The following HERC3 variants were observed in gnomAD, a reference collection of about 807,000 sequenced individuals.
The protein encoded by HERC3 is probable E3 ubiquitin-protein ligase HERC3.
In HERC3, 58 loss-of-function variants were observed where a neutral mutation model predicts 129.9. That is an observed-to-expected ratio of 0.45 (90% CI 0.36 to 0.56). The LOEUF (loss-of-function observed/expected upper bound fraction) is 0.56, where lower values mean the gene tolerates loss of function less well. Ranked by LOEUF, HERC3 falls within the 20% of genes least tolerant of loss-of-function variation. The probability of loss-of-function intolerance (pLI) is 0.00; values close to 1 mark genes in which losing one functional copy is unlikely to be tolerated. For missense variants in HERC3, 835 were observed against 1,244.2 expected (o/e 0.67, Z 4.95); for synonymous variants, 430 against 451.0 (o/e 0.95, Z 0.59).
intron 10 of HERC3, among the ~76,000 whole-genome samples, chr4:88,658,963 A>G (rs919785210): frequency 3.3e-5 from 5 of 152,346 alleles, no homozygotes; most frequent in African/African-American, 1.2e-4. Context: ...ACATGACACC[A>G]AAATTTCCCT....
chr4:88,561,597 T>C, the HERC3 span, among the ~76,000 whole-genome samples: 23 of 152,164 alleles, frequency 1.5e-4, no homozygotes, highest in African/African-American at 5.5e-4. Context: ...TATCAAACAC[T>C]AGATCTTATT....
chr4:88,532,881 C>A, the HERC3 span, among the ~76,000 whole-genome samples: 7 of 152,278 alleles, frequency 4.6e-5, no homozygotes, highest in South Asian at 1.5e-3. Flanking sequence ...TTGTACTAAT[C>A]CCATATGTAT....
chr4:88,690,536 A>T (rs997121711), intron 23 of HERC3: 2 of 985,016 alleles, frequency 2.0e-6, no homozygotes, highest in African/African-American at 3.5e-5. Flanking sequence ...AGGAAGGGGA[A>T]CATTCAGAGT....
the HERC3 span, among the ~76,000 whole-genome samples, chr4:88,531,091 C>G: frequency 6.6e-6 from 1 of 152,290 alleles, no homozygotes; most frequent in East Asian, 1.9e-4. Context: ...CTCCTGGCCT[C>G]AGGCGATCTG....
the HERC3 span, among the ~76,000 whole-genome samples, chr4:88,562,351 TA>T: frequency 1.5e-4 from 23 of 152,356 alleles, no homozygotes; most frequent in Middle Eastern, 0.014. Context: ...ATTATTGGAT[TA>T]TTTTTTTCCT....
intron 3 of HERC3, among the ~76,000 whole-genome samples, chr4:88,642,227 A>G (rs1173916431): frequency 2.0e-5 from 3 of 152,130 alleles, no homozygotes; most frequent in Non-Finnish European, 2.9e-5. Context: ...TAGATAAGAA[A>G]TGACACTGAT....
At chr4:88,684,087 A>G (rs1366588620) in intron 21 of HERC3, among the ~76,000 whole-genome samples, 3 of 152,210 alleles carry the variant, frequency 2.0e-5, no homozygotes, top group Non-Finnish European at 2.9e-5. Context: ...TCAAGCTACC[A>G]TTGACTTTCT....
chr4:88,691,120 A>G (rs1578328633), intron 23 of HERC3, among the ~76,000 whole-genome samples: 1 of 152,342 alleles, frequency 6.6e-6, no homozygotes, highest in Non-Finnish European at 1.5e-5. Context: ...GGTGCTCTGT[A>G]AAGGGATGGA....
chr4:88,685,123 G>A (rs1216640998), intron 21 of HERC3, among the ~76,000 whole-genome samples: 4 of 152,172 alleles, frequency 2.6e-5, no homozygotes, highest in Admixed American at 6.5e-5. Context: ...TGAAGAAATA[G>A]GAATGCTTTT....
chr4:88,557,483 A>G, the HERC3 span, among the ~76,000 whole-genome samples: 5 of 152,272 alleles, frequency 3.3e-5, no homozygotes, highest in African/African-American at 7.2e-5. Context: ...TTTGGTGGAT[A>G]TTTGTTCTTT....
At chr4:88,655,419 T>C in intron 8 of HERC3, 115 bp downstream of exon 8, 2 of 1,186,040 alleles carry the variant, frequency 1.7e-6, no homozygotes, top group Non-Finnish European at 2.4e-6. Context: ...AGATCTTAAC[T>C]GCATGCACGC....
At chr4:88,614,212 A>G (rs1724663226) in intron 3 of HERC3, among the ~76,000 whole-genome samples, 1 of 152,194 alleles carries the variant, frequency 6.6e-6, no homozygotes, top group South Asian at 2.1e-4. Flanking sequence ...TAGCATTTTT[A>G]AGCTGATTAA....
intron 3 of HERC3, among the ~76,000 whole-genome samples, chr4:88,635,673 G>A (rs1317113070): frequency 1.3e-5 from 2 of 152,032 alleles, no homozygotes; most frequent in Non-Finnish European, 2.9e-5. Context: ...TACTCTATGA[G>A]AAGATCAACT....
chr4:88,657,001 T>C (rs1474296455), intron 9 of HERC3: 1 of 152,210 alleles, frequency 6.6e-6, no homozygotes. Flanking sequence ...CCATTTTTTT[T>C]CTTCCCTTAA....
the HERC3 span, among the ~76,000 whole-genome samples, chr4:88,554,370 C>CA: frequency 6.7e-6 from 1 of 149,498 alleles, no homozygotes; most frequent in Non-Finnish European, 1.5e-5. Flanking sequence ...AAAAAGGTAT[C>CA]CTGGCAATAC....
intron 2 of HERC3, among the ~76,000 whole-genome samples, chr4:88,602,991 G>C (rs1480610375): frequency 2.0e-5 from 3 of 152,074 alleles, no homozygotes; most frequent in Non-Finnish European, 2.9e-5. Context: ...TTCATGCTTG[G>C]CAAAATACAG....
intron 1 of HERC3, among the ~76,000 whole-genome samples, chr4:88,594,079 T>A (rs1192209745): frequency 6.6e-6 from 1 of 152,230 alleles, no homozygotes; most frequent in Non-Finnish European, 1.5e-5. Context: ...TCCTTTGGCA[T>A]GAAAAACAAA....
intron 12 of HERC3, among the ~76,000 whole-genome samples, chr4:88,666,235 T>G (rs1303009411): frequency 1.9e-4 from 29 of 152,170 alleles, no homozygotes; most frequent in Admixed American, 6.5e-5. Flanking sequence ...AACTGACATC[T>G]GTGTATTTCA....
At chr4:88,643,979 G>A (rs926907779) in intron 3 of HERC3, among the ~76,000 whole-genome samples, 6 of 152,150 alleles carry the variant, frequency 3.9e-5, no homozygotes, top group Non-Finnish European at 8.8e-5. Context: ...CAAGAACTTC[G>A]AACAGACATT....
Sources: allele counts gnomAD v4.1 joint callset (sites outside exome capture counted in the v4.1 genomes callset), GRCh38; gene constraint gnomAD v4.1.1; transcripts MANE v1.5; gene names NCBI Gene and HGNC (gene_info 2026-07-23, HGNC 2026-07-21).